RIMS1: variants seen among roughly 807,000 people sequenced by gnomAD.
RIMS1 encodes regulating synaptic membrane exocytosis 1.
A neutral mutation model predicts 214.1 loss-of-function variants in RIMS1; 83 were observed. The observed-to-expected ratio is 0.39, with a 90% CI of 0.32 to 0.47. The LOEUF (loss-of-function observed/expected upper bound fraction) is 0.47, where lower values mean the gene tolerates loss of function less well. RIMS1 is among the 20% of genes least tolerant of loss of function. The pLI, the probability that RIMS1 is intolerant of heterozygous loss-of-function variation, is 0.99. For missense variants in RIMS1, 2,050 were observed against 2,161.8 expected (o/e 0.95, Z 1.03); for synonymous variants, 793 against 786.8 (o/e 1.01, Z -0.13).
chr6:72,184,247 G>A (rs2048786763), intron 6 of RIMS1, among the ~76,000 whole-genome samples: 1 of 151,986 alleles, frequency 6.6e-6, no homozygotes, highest in Non-Finnish European at 1.5e-5. Flanking sequence ...CTCCCAAGAA[G>A]CAACGTCATG....
intron 6 of RIMS1, among the ~76,000 whole-genome samples, chr6:72,220,982 A>T (rs1264142569): frequency 6.6e-6 from 1 of 152,116 alleles, no homozygotes; most frequent in East Asian, 1.9e-4. Context: ...TAAGCACAGA[A>T]TAAGGGGCTC....
At chr6:72,239,708 G>T (rs1363216485) in intron 9 of RIMS1, among the ~76,000 whole-genome samples, 2 of 152,080 alleles carry the variant, frequency 1.3e-5, no homozygotes, top group African/African-American at 4.8e-5. Flanking sequence ...ACACAAAAAT[G>T]ACACTGACAC....
chr6:72,259,865 G>C (rs2077245339), intron 18 of RIMS1, among the ~76,000 whole-genome samples: 1 of 152,092 alleles, frequency 6.6e-6, no homozygotes, highest in East Asian at 1.9e-4. Context: ...TTTTAAAATG[G>C]AGAAACTTTC....
intron 27 of RIMS1, among the ~76,000 whole-genome samples, chr6:72,309,219 A>G (rs1299741667): frequency 6.6e-6 from 1 of 152,118 alleles, no homozygotes; most frequent in Non-Finnish European, 1.5e-5. Context: ...AAATCGACAA[A>G]ATGAAGTACT....
At chr6:72,285,311 A>G (rs1002858139) in intron 24 of RIMS1, among the ~76,000 whole-genome samples, 1 of 152,210 alleles carries the variant, frequency 6.6e-6, no homozygotes, top group Non-Finnish European at 1.5e-5. Context: ...CAGCCAGGCT[A>G]TCTCAATAGG....
At chr6:72,355,197 T>C (rs900382565) in intron 29 of RIMS1, among the ~76,000 whole-genome samples, 6 of 152,196 alleles carry the variant, frequency 3.9e-5, no homozygotes, top group African/African-American at 1.4e-4. Context: ...ACAACTATCT[T>C]CTAGTCAATC....
chr6:71,890,637 A>G (rs1041441824), intron 1 of RIMS1, among the ~76,000 whole-genome samples: 2 of 151,226 alleles, frequency 1.3e-5, no homozygotes, highest in African/African-American at 4.8e-5. Context: ...AAGAGAAGAG[A>G]AAAAATGTAG....
At chr6:72,309,107 T>C (rs970881527) in intron 27 of RIMS1, among the ~76,000 whole-genome samples, 2 of 152,044 alleles carry the variant, frequency 1.3e-5, no homozygotes, top group African/African-American at 2.4e-5. Context: ...AGAGCCAGTA[T>C]AGGAAACAAG....
chr6:72,344,375 T>C (rs1313559593), intron 29 of RIMS1, among the ~76,000 whole-genome samples: 2 of 151,826 alleles, frequency 1.3e-5, no homozygotes, highest in Non-Finnish European at 2.9e-5. Context: ...AGGTGGTGTC[T>C]TTGAACATTC....
At chr6:71,987,379 T>C (rs1447883656) in intron 2 of RIMS1, among the ~76,000 whole-genome samples, 2 of 152,184 alleles carry the variant, frequency 1.3e-5, no homozygotes, top group South Asian at 2.1e-4. Context: ...GCTATTTTCA[T>C]ATGGTGTCCT....
chr6:72,055,926 G>T (rs1050618437), intron 2 of RIMS1, among the ~76,000 whole-genome samples: 7 of 152,000 alleles, frequency 4.6e-5, no homozygotes, highest in Non-Finnish European at 1.0e-4. Flanking sequence ...ACGCCCAAAG[G>T]AATAAAAGTT....
intron 6 of RIMS1, among the ~76,000 whole-genome samples, chr6:72,209,215 T>C (rs2053417924): frequency 6.6e-6 from 1 of 152,246 alleles, no homozygotes; most frequent in South Asian, 2.1e-4. Context: ...CCTTGATAGA[T>C]AGCGTCAAAT....
intron 2 of RIMS1, among the ~76,000 whole-genome samples, chr6:72,084,447 C>T (rs1229065220): frequency 6.6e-6 from 1 of 152,102 alleles, no homozygotes; most frequent in Admixed American, 6.6e-5. Flanking sequence ...CTTTCTTGAA[C>T]GAGGTTTTCA....
intron 2 of RIMS1, among the ~76,000 whole-genome samples, chr6:71,982,480 C>T (rs1286218197): frequency 3.3e-5 from 5 of 152,100 alleles, no homozygotes; most frequent in Non-Finnish European, 7.4e-5. Context: ...TCAGTATTTC[C>T]TTCCACATCA....
At chr6:72,108,326 G>A (rs2035216949) in intron 4 of RIMS1, among the ~76,000 whole-genome samples, 1 of 152,158 alleles carries the variant, frequency 6.6e-6, no homozygotes, top group South Asian at 2.1e-4. Flanking sequence ...GTGGGCTCAA[G>A]TGATCCTCCT....
Position 72,179,423 on chromosome 6 carries a change from G to C in RIMS1, c.472-152G>C, listed in dbSNP as rs181897538. 5.9e-5 allele frequency: 43 copies of C among 729,742 alleles called. No individual in the cohort carries two copies. In the East Asian group the frequency reaches 1.1e-3, roughly 18 times the overall value. The allele number at this position is 729,742 out of a possible 1,614,324, so 45.2% of individuals were successfully genotyped here. On this transcript the variant is annotated intron_variant, in intron 4 of 33. Transcript: ENST00000521978. ...TGTCTAGGCATTCATATATTTGACT[G>C]TGACTTGTGGGAGGACCATTTTCAC...
chr6:72,366,720 C>T, intron 29 of RIMS1: 10 of 985,766 alleles, frequency 1.0e-5, no homozygotes, highest in Non-Finnish European at 1.2e-5. Flanking sequence ...GGGAGAGAGA[C>T]AGAGAAGACA....
At chr6:71,984,785 CTATCTAT>C (rs1799451940) in intron 2 of RIMS1, among the ~76,000 whole-genome samples, 1 of 93,852 alleles carries the variant, frequency 1.1e-5, no homozygotes, top group African/African-American at 3.7e-5. Flanking sequence ...ATCTATCTAT[CTATCTAT>C]CTATCTATCT....
intron 29 of RIMS1, among the ~76,000 whole-genome samples, chr6:72,338,526 A>C (rs113201081): frequency 3.9e-5 from 6 of 152,214 alleles, no homozygotes; most frequent in African/African-American, 1.4e-4. Flanking sequence ...ATCAGAGTGA[A>C]CAGGCAACCT....
Sources: allele counts gnomAD v4.1 joint callset (sites outside exome capture counted in the v4.1 genomes callset), GRCh38; gene constraint gnomAD v4.1.1; transcripts MANE v1.5; gene names NCBI Gene and HGNC (gene_info 2026-07-23, HGNC 2026-07-21).